PDK1: variants seen among roughly 807,000 people sequenced by gnomAD.
The protein encoded by PDK1 is [Pyruvate dehydrogenase (acetyl-transferring)] kinase isozyme 1, mitochondrial.
In PDK1, 39 loss-of-function variants were observed where a neutral mutation model predicts 54.2. The ratio of observed to expected loss-of-function variants is 0.72; its 90% CI spans 0.56 to 0.94. The LOEUF is 0.94. Ranked by LOEUF, PDK1 falls within the 40% of genes least tolerant of loss-of-function variation. The pLI, the probability that PDK1 is intolerant of heterozygous loss-of-function variation, is 0.00. For missense variants in PDK1, 552 were observed against 566.0 expected (o/e 0.98, Z 0.25); for synonymous variants, 221 against 207.1 (o/e 1.07, Z -0.58).
At position 172,556,436 on chromosome 2, in the gene PDK1, C is replaced by G. The variant is rs575692055; in HGVS notation, c.196+90C>G. 8.2e-6 allele frequency: 8 copies of G among 979,798 alleles called. No individual in the cohort carries two copies. In the African/African-American group the frequency reaches 1.4e-4, roughly 17 times the overall value. The allele number at this position is 979,798 out of a possible 1,614,324, so 60.7% of individuals were successfully genotyped here. ...CCCAGGCCGGGTCGGCGCCGGCCAG[C>G]TCTCGCCTGAGGCGCACCCCTCCTC... On this transcript the variant is annotated intron_variant, in intron 1 of 10. Transcript: ENST00000282077.
intron 9 of PDK1, among the ~76,000 whole-genome samples, chr2:172,592,544 C>T (rs1030902564): frequency 6.6e-6 from 1 of 152,136 alleles, no homozygotes. Context: ...GCTGGTCTTT[C>T]CCTGCCTCTG....
the PDK1 span, among the ~76,000 whole-genome samples, chr2:172,647,261 G>C: frequency 6.6e-6 from 1 of 152,118 alleles, no homozygotes; most frequent in Non-Finnish European, 1.5e-5. Flanking sequence ...AGTCTCGGGA[G>C]GGGGCGCAGG....
the PDK1 span, among the ~76,000 whole-genome samples, chr2:172,672,999 T>A: frequency 1.3e-5 from 2 of 152,116 alleles, no homozygotes; most frequent in Non-Finnish European, 2.9e-5. Context: ...CTGAGGGGCA[T>A]GAGGCAGAAG....
At chr2:172,714,469 T>C in the PDK1 span, among the ~76,000 whole-genome samples, 1 of 152,102 alleles carries the variant, frequency 6.6e-6, no homozygotes, top group African/African-American at 2.4e-5. Flanking sequence ...TTACCATACT[T>C]TTCTGTATCA....
In PDK1 at chr2:172,603,185, T is replaced by G. The variant is rs1158455772; in HGVS notation, c.*7216T>G. On this transcript the variant is annotated 3_prime_UTR_variant, in exon 11 of 11. Transcript: ENST00000282077. Reference sequence around the variant, plus strand: ...AAGGACTAAAGGTTGTGAGATAAACTGCTTTTAGCAGCCCAAAGGGCCAGC... The same window carrying G: ...AAGGACTAAAGGTTGTGAGATAAACGGCTTTTAGCAGCCCAAAGGGCCAGC... 6.6e-6 allele frequency: 1 copy of G among 152,154 alleles called. No homozygotes were observed. The highest frequency in any genetic ancestry group is 1.5e-5 in the Non-Finnish European group (1 of 68,036). The allele number at this position is 152,154 out of a possible 1,614,324, so 9.4% of individuals were successfully genotyped here.
chr2:172,583,953 A>G (rs1690067466), intron 8 of PDK1, among the ~76,000 whole-genome samples: 1 of 152,202 alleles, frequency 6.6e-6, no homozygotes, highest in African/African-American at 2.4e-5. Context: ...GCTGTAGTAG[A>G]TTAGAATATA....
At chr2:172,592,598 G>T (rs1164949901) in intron 9 of PDK1, among the ~76,000 whole-genome samples, 1 of 152,082 alleles carries the variant, frequency 6.6e-6, no homozygotes. Context: ...GGAGAAGTCC[G>T]CAGACCAAGA....
chr2:172,556,471 T>G (rs1350619652), intron 1 of PDK1, 125 bp downstream of exon 1: 6 of 632,512 alleles, frequency 9.5e-6, no homozygotes, highest in Non-Finnish European at 1.4e-5. Context: ...CCTCAGCGTT[T>G]CCGCCCCCAG....
chr2:172,555,921 C>T (rs1256641295), upstream of PDK1: 1 of 372,268 alleles, frequency 2.7e-6, no homozygotes, highest in Non-Finnish European at 4.8e-6. Context: ...GGCGGGACTC[C>T]GGCGAGGGGG....
intron 8 of PDK1, among the ~76,000 whole-genome samples, chr2:172,572,257 T>C (rs895318068): frequency 3.3e-5 from 5 of 152,194 alleles, no homozygotes; most frequent in Non-Finnish European, 5.9e-5. Flanking sequence ...TATACTATTA[T>C]CCCAATATTT....
At chr2:172,669,647 G>A in the PDK1 span, among the ~76,000 whole-genome samples, 37 of 152,248 alleles carry the variant, frequency 2.4e-4, no homozygotes, top group East Asian at 6.4e-3. Flanking sequence ...GTGTATCAGA[G>A]CTTCTTTCTC....
the PDK1 span, among the ~76,000 whole-genome samples, chr2:172,614,404 G>C: frequency 6.6e-6 from 1 of 152,190 alleles, no homozygotes; most frequent in Non-Finnish European, 1.5e-5. Flanking sequence ...CCTCCTCTCT[G>C]AGGTCCGTAA....
the PDK1 span, among the ~76,000 whole-genome samples, chr2:172,621,838 ATATGTATGATACATGTTTATAT>A: frequency 2.5e-5 from 3 of 119,334 alleles, no homozygotes; most frequent in African/African-American, 8.8e-5. Context: ...TTTATATCTC[ATATGTATGATACATGTTTATAT>A]CTCATATGTA....
chr2:172,703,773 T>TC, the PDK1 span, among the ~76,000 whole-genome samples: 1 of 135,920 alleles, frequency 7.4e-6, no homozygotes, highest in East Asian at 2.0e-4. Context: ...TTTCTTTTTT[T>TC]TTTTTTTTTT....
chr2:172,696,914 A>G, the PDK1 span, among the ~76,000 whole-genome samples: 1 of 152,266 alleles, frequency 6.6e-6, no homozygotes, highest in Middle Eastern at 3.4e-3. Context: ...AAAAGTGGTA[A>G]TATTTGTGCC....
chr2:172,622,058 T>C, the PDK1 span, among the ~76,000 whole-genome samples: 1 of 148,390 alleles, frequency 6.7e-6, no homozygotes, highest in Non-Finnish European at 1.5e-5. Context: ...ATATGTGAGA[T>C]ATGTTTATAT....
rs1478832755 is a variant in PDK1, at chr2:172,593,152, A to AG, written c.1170+105dup. ...TAACTCTACCACATGCTGTTTAAAT[A>AG]GAAAAAAACTATGGTTTTTTGCTGG... On this transcript the variant is annotated intron_variant, in intron 10 of 10. Transcript: ENST00000282077. 1.2e-5 allele frequency: 7 copies of AG among 569,048 alleles called. No homozygotes were observed. In the African/African-American group the frequency reaches 1.3e-4, roughly 11 times the overall value. 35.2% of individuals were successfully genotyped at this position (569,048 alleles called of 1,614,324 possible).
Position 172,604,488 on chromosome 2 carries a change from A to T in PDK1, c.*8519A>T, listed in dbSNP as rs2149319708. The T allele has an allele frequency of 6.6e-6, 1 of 152,284 alleles. No individual in the cohort carries two copies. Among genetic ancestry groups the T allele is most frequent in the African/African-American group, 2.4e-5 (1 of 41,554 alleles). 9.4% of individuals were successfully genotyped at this position (152,284 alleles called of 1,614,324 possible). ...AGTATTTGCTTTTTTTTTAACTTAC[A>T]AATTTTTTTAAAAAAACGTTTTTCC... On this transcript the variant is annotated 3_prime_UTR_variant, in exon 11 of 11. Coordinates refer to ENST00000282077, the MANE Select transcript of PDK1 (RefSeq NM_002610.5).
chr2:172,561,867 C>T (rs1688671695), intron 2 of PDK1, among the ~76,000 whole-genome samples: 1 of 151,988 alleles, frequency 6.6e-6, no homozygotes, highest in Non-Finnish European at 1.5e-5. Context: ...GTCATTTGCC[C>T]AAGATCACAT....
Sources: allele counts gnomAD v4.1 joint callset (sites outside exome capture counted in the v4.1 genomes callset), GRCh38; gene constraint gnomAD v4.1.1; transcripts MANE v1.5; gene names NCBI Gene and HGNC (gene_info 2026-07-23, HGNC 2026-07-21).